The following DNER variants were observed in gnomAD, a reference collection of about 807,000 sequenced individuals.
DNER encodes the protein delta/notch like EGF repeat containing, also known as delta and Notch-like epidermal growth factor-related receptor.
DNER carries 33 observed loss-of-function variants against 78.2 expected under a neutral mutation model. That is an observed-to-expected ratio of 0.42 (90% CI 0.32 to 0.56). The LOEUF (loss-of-function observed/expected upper bound fraction) is 0.56. Ranked by LOEUF, DNER falls within the 20% of genes least tolerant of loss-of-function variation. The pLI is 0.11. For synonymous variants in DNER, 417 were observed against 384.8 expected (o/e 1.08, Z -0.98); for missense variants, 918 against 975.3 (o/e 0.94, Z 0.78).
At position 229,400,293 on chromosome 2, in the gene DNER, C is replaced by T. The variant is rs1026175122; in HGVS notation, c.1723+6939G>A. 9.2e-5 allele frequency among the ~76,000 whole-genome samples: 14 copies of T among 151,996 alleles called. 1 individual carries two copies. The highest frequency in any genetic ancestry group is 3.4e-4 in the African/African-American group (14 of 41,416). Reference sequence around the variant, plus strand: ...ATCATGCAATATTTATGGATAAGCACATGTCCATGGGTTAGTATACACATG... The same window carrying T: ...ATCATGCAATATTTATGGATAAGCATATGTCCATGGGTTAGTATACACATG... On this transcript the variant is annotated intron_variant, in intron 10 of 12. Coordinates refer to ENST00000341772, the MANE Select transcript of DNER (RefSeq NM_139072.4).
chr2:229,462,146 T>C (rs1283023243), intron 7 of DNER, among the ~76,000 whole-genome samples: 2 of 152,108 alleles, frequency 1.3e-5, no homozygotes, highest in African/African-American at 2.4e-5. Context: ...ATTATGTAAG[T>C]AGAAAGAAAT....
chr2:229,500,328 C>G (rs936257743), intron 6 of DNER, among the ~76,000 whole-genome samples: 9 of 152,114 alleles, frequency 5.9e-5, no homozygotes, highest in Non-Finnish European at 4.4e-5. Flanking sequence ...TCAATTAAAA[C>G]CACGATGAGA....
intron 1 of DNER, among the ~76,000 whole-genome samples, chr2:229,634,071 T>G (rs1394592092): frequency 6.6e-6 from 1 of 152,154 alleles, no homozygotes; most frequent in Non-Finnish European, 1.5e-5. Flanking sequence ...TGTCCTCTCC[T>G]AAGGGACAAT....
chr2:229,487,183 A>C (rs1384664674), intron 6 of DNER, among the ~76,000 whole-genome samples: 1 of 152,206 alleles, frequency 6.6e-6, no homozygotes, highest in Non-Finnish European at 1.5e-5. Context: ...TCTTGGGCTC[A>C]ATTATTGCAA....
At chr2:229,491,903 T>C (rs2154211725) in intron 6 of DNER, among the ~76,000 whole-genome samples, 1 of 152,140 alleles carries the variant, frequency 6.6e-6, no homozygotes, top group African/African-American at 2.4e-5. Context: ...TAACCTTAAG[T>C]ATTCTCTTCA....
chr2:229,559,407 G>A (rs1245429070), intron 4 of DNER, among the ~76,000 whole-genome samples: 4 of 152,094 alleles, frequency 2.6e-5, no homozygotes, highest in African/African-American at 9.7e-5. Context: ...CATCATACTA[G>A]AAAAATCAAC....
intron 9 of DNER, among the ~76,000 whole-genome samples, chr2:229,410,854 C>T (rs184694669): frequency 3.7e-4 from 56 of 152,274 alleles, no homozygotes; most frequent in African/African-American, 1.1e-3. Context: ...CTCCAAGAAA[C>T]GAAGCCAGTA....
intron 10 of DNER, among the ~76,000 whole-genome samples, chr2:229,390,355 C>G (rs1216886421): frequency 6.6e-6 from 1 of 152,234 alleles, no homozygotes; most frequent in Non-Finnish European, 1.5e-5. Flanking sequence ...ATTTCCTAAA[C>G]TCTATGCAGT....
In DNER at chr2:229,589,875, T is replaced by A. The variant is rs555776292; in HGVS notation, c.586-1387A>T. On this transcript the variant is annotated intron_variant, in intron 2 of 12. Transcript: ENST00000341772. ...GTAAGCTAAAAACATTGCCCTGCAG[T>A]CTGAATGTGGCCTTCATAAGCTGTG... 6.7e-5 allele frequency among the ~76,000 whole-genome samples: 10 copies of A among 149,568 alleles called. No homozygotes were observed. In the South Asian group the frequency reaches 1.7e-3, roughly 26 times the overall value.
At chr2:229,647,787 G>A (rs188116736) in intron 1 of DNER, among the ~76,000 whole-genome samples, 1 of 152,250 alleles carries the variant, frequency 6.6e-6, no homozygotes, top group Admixed American at 6.5e-5. Flanking sequence ...ATCCTCATAA[G>A]AATTTTAAGG....
At chr2:229,499,769 G>T (rs2396667) in intron 6 of DNER, among the ~76,000 whole-genome samples, 18,955 of 151,872 alleles carry the variant, frequency 0.12, 1,309 homozygotes, top group South Asian at 0.2. Context: ...AGCGATCAAT[G>T]GAGTGAAAAT....
intron 1 of DNER, among the ~76,000 whole-genome samples, chr2:229,665,291 A>G (rs1699069858): frequency 6.6e-6 from 1 of 152,196 alleles, no homozygotes; most frequent in Admixed American, 6.5e-5. Context: ...CCCAGCAGAA[A>G]GAAAGCCATA....
chr2:229,594,978 A>C (rs1336509583), intron 1 of DNER, among the ~76,000 whole-genome samples: 2 of 66,722 alleles, frequency 3.0e-5, no homozygotes, highest in East Asian at 4.6e-4. Context: ...AAAAAAAAAA[A>C]AAAAAAAAAA....
chr2:229,548,507 C>T (rs1429570412), intron 4 of DNER, among the ~76,000 whole-genome samples: 1 of 152,130 alleles, frequency 6.6e-6, no homozygotes, highest in East Asian at 1.9e-4. Context: ...AAACCAAACA[C>T]CACATGTTCT....
intron 5 of DNER, among the ~76,000 whole-genome samples, chr2:229,514,702 C>A (rs1695933813): frequency 6.6e-6 from 1 of 152,184 alleles, no homozygotes; most frequent in Non-Finnish European, 1.5e-5. Context: ...CTTTCCCCAA[C>A]AGATTTCTTT....
At chr2:229,500,699 T>C (rs1481781399) in intron 6 of DNER, among the ~76,000 whole-genome samples, 1 of 152,186 alleles carries the variant, frequency 6.6e-6, no homozygotes, top group Non-Finnish European at 1.5e-5. Flanking sequence ...GAATACTATT[T>C]GGCCTTTTTT....
intron 1 of DNER, among the ~76,000 whole-genome samples, chr2:229,711,890 T>C (rs1029058222): frequency 1.1e-4 from 17 of 151,694 alleles, no homozygotes; most frequent in African/African-American, 4.1e-4. Flanking sequence ...TCTTCTGAAA[T>C]TGTCTTTTGT....
At chr2:229,428,095 G>GA (rs1247063351) in intron 8 of DNER, among the ~76,000 whole-genome samples, 1 of 148,272 alleles carries the variant, frequency 6.7e-6, no homozygotes, top group Admixed American at 6.7e-5. Flanking sequence ...AAAAAAAAGA[G>GA]AAAAAAAGAA....
intron 1 of DNER, among the ~76,000 whole-genome samples, chr2:229,655,881 G>T (rs990385790): frequency 6.6e-6 from 1 of 152,080 alleles, no homozygotes; most frequent in Non-Finnish European, 1.5e-5. Flanking sequence ...AGGAAAGAAG[G>T]CCGTGTAAAG....
Sources: allele counts gnomAD v4.1 joint callset (sites outside exome capture counted in the v4.1 genomes callset), GRCh38; gene constraint gnomAD v4.1.1; transcripts MANE v1.5; gene names NCBI Gene and HGNC (gene_info 2026-07-23, HGNC 2026-07-21).